The following CACNA2D3 variants were observed in gnomAD, a reference collection of about 807,000 sequenced individuals.
CACNA2D3 encodes voltage-dependent calcium channel subunit alpha-2/delta-3.
In CACNA2D3, 60 loss-of-function variants were observed where a neutral mutation model predicts 160.6. The ratio of observed to expected loss-of-function variants is 0.37; its 90% CI spans 0.30 to 0.46. The LOEUF (loss-of-function observed/expected upper bound fraction) is 0.46. CACNA2D3 is among the 20% of genes least tolerant of loss of function. The pLI is 1.00. For missense variants in CACNA2D3, 1,205 were observed against 1,365.0 expected (o/e 0.88, Z 1.85); for synonymous variants, 558 against 492.9 (o/e 1.13, Z -1.75).
chr3:54,524,239 A>G (rs565238189), intron 5 of CACNA2D3, among the ~76,000 whole-genome samples: 1 of 152,060 alleles, frequency 6.6e-6, no homozygotes, highest in South Asian at 2.1e-4. Flanking sequence ...GTTATTTGTC[A>G]TTTGATTTCT....
chr3:54,390,517 A>G (rs906666715), intron 4 of CACNA2D3, among the ~76,000 whole-genome samples: 3 of 152,250 alleles, frequency 2.0e-5, no homozygotes, highest in African/African-American at 7.2e-5. Flanking sequence ...TGGTCTGAAC[A>G]TAAGAGTAGA....
intron 25 of CACNA2D3, 84 bp downstream of exon 25, chr3:54,891,534 C>A: frequency 9.4e-7 from 1 of 1,068,268 alleles, no homozygotes; most frequent in Non-Finnish European, 1.4e-6. Context: ...TTTCTTGATT[C>A]CACTACTGGT....
rs1253784960 is a variant in CACNA2D3 at position 54,828,769 on chromosome 3, G to A, written c.1399-8390G>A. 5.9e-5 allele frequency among the ~76,000 whole-genome samples: 9 copies of A among 152,274 alleles called. No homozygotes were observed. The East Asian group carries it at 1.7e-3, about 29-fold the overall frequency. ...TCTGTTTACTTTTGTATTTAAACAA[G>A]TTAAAATGCAGTGAAATCTCATGGA... On this transcript the variant is annotated intron_variant, in intron 14 of 37. Transcript: ENST00000474759.
At chr3:54,146,990 G>A (rs1378343561) in intron 2 of CACNA2D3, among the ~76,000 whole-genome samples, 2 of 152,264 alleles carry the variant, frequency 1.3e-5, no homozygotes, top group African/African-American at 2.4e-5. Flanking sequence ...AGCAAAGAGG[G>A]AAAATTTCCC....
intron 29 of CACNA2D3, among the ~76,000 whole-genome samples, chr3:54,974,999 G>T (rs17054626): frequency 0.016 from 2,385 of 152,204 alleles, 56 homozygotes; most frequent in African/African-American, 0.054. Context: ...AAAGTGATAT[G>T]GAAAAAACAG....
chr3:54,880,988 T>C lies in CACNA2D3; in HGVS notation c.1912+125T>C. On this transcript the variant is annotated intron_variant, in intron 21 of 37. Coordinates refer to ENST00000474759, the MANE Select transcript of CACNA2D3 (RefSeq NM_018398.3). ...GTGACCAGTCCCTTGGACATTCCAC[T>C]CAAACGAATGCCTACTTGATAATTC... 4 of 768,990 alleles carry C rather than the reference T, an allele frequency of 5.2e-6. 1 individual carries two copies. The South Asian group carries it at 6.0e-5, about 12-fold the overall frequency. The allele number at this position is 768,990 out of a possible 1,614,324, so 47.6% of individuals were successfully genotyped here.
At chr3:54,689,391 A>C (rs1043289316) in intron 11 of CACNA2D3, among the ~76,000 whole-genome samples, 1 of 151,952 alleles carries the variant, frequency 6.6e-6, no homozygotes, top group African/African-American at 2.4e-5. Flanking sequence ...ATTTCTTTCA[A>C]TTCCATCTAC....
intron 2 of CACNA2D3, among the ~76,000 whole-genome samples, chr3:54,301,978 G>A (rs550819939): frequency 1.1e-4 from 17 of 152,232 alleles, no homozygotes; most frequent in African/African-American, 4.1e-4. Context: ...CTCTGAAATT[G>A]AACTACAAAA....
chr3:54,142,298 T>C (rs916959965), intron 2 of CACNA2D3, among the ~76,000 whole-genome samples: 2 of 152,212 alleles, frequency 1.3e-5, no homozygotes, highest in Admixed American at 6.5e-5. Context: ...CCCTTGCCAC[T>C]ATAGCAGCTT....
intron 32 of CACNA2D3, among the ~76,000 whole-genome samples, chr3:55,006,172 A>C (rs1703088893): frequency 1.3e-5 from 2 of 152,248 alleles, no homozygotes; most frequent in South Asian, 4.1e-4. Context: ...TTTCACCATT[A>C]GATTTAAAAG....
chr3:54,283,897 T>C (rs946858476), intron 2 of CACNA2D3, among the ~76,000 whole-genome samples: 1 of 152,104 alleles, frequency 6.6e-6, no homozygotes, highest in African/African-American at 2.4e-5. Context: ...ACCCCGTCTC[T>C]ACTAAAAATA....
intron 3 of CACNA2D3, among the ~76,000 whole-genome samples, chr3:54,356,449 C>T (rs1215950854): frequency 6.6e-6 from 1 of 152,116 alleles, no homozygotes; most frequent in Non-Finnish European, 1.5e-5. Context: ...TTTTTTGTAC[C>T]TAATGAATCT....
chr3:54,937,657 A>G (rs1701364007), intron 27 of CACNA2D3, among the ~76,000 whole-genome samples: 1 of 152,208 alleles, frequency 6.6e-6, no homozygotes, highest in African/African-American at 2.4e-5. Flanking sequence ...AGGTGAGGGC[A>G]GGCATCCCAA....
intron 35 of CACNA2D3, among the ~76,000 whole-genome samples, chr3:55,068,671 T>C (rs1653028571): frequency 6.6e-6 from 1 of 152,186 alleles, no homozygotes; most frequent in South Asian, 2.1e-4. Context: ...TTCATGACAG[T>C]AAATAGAGAT....
chr3:54,808,722 A>G lies in CACNA2D3; in HGVS notation c.1381-8131A>G, dbSNP rs568924022. ...CCTGTAAAATTGTAGTAATAACACTATTAGTAGAGATAGGAGTCACACTCT... is the reference window on the plus strand; with the variant it reads ...CCTGTAAAATTGTAGTAATAACACTGTTAGTAGAGATAGGAGTCACACTCT... On this transcript the variant is annotated intron_variant, in intron 13 of 37. Transcript: ENST00000474759. Among the ~76,000 whole-genome samples the G allele has an allele frequency of 5.9e-5, 9 of 152,292 alleles. No individual in the cohort carries two copies. In the East Asian group the frequency reaches 7.7e-4, roughly 13 times the overall value.
chr3:54,616,581 G>A (rs988607856), intron 9 of CACNA2D3, among the ~76,000 whole-genome samples: 1 of 152,170 alleles, frequency 6.6e-6, no homozygotes, highest in Non-Finnish European at 1.5e-5. Context: ...GTATCAGTGG[G>A]TGAGAATCAT....
At chr3:54,807,390 C>T (rs1236759501) in intron 13 of CACNA2D3, among the ~76,000 whole-genome samples, 10 of 152,104 alleles carry the variant, frequency 6.6e-5, no homozygotes, top group South Asian at 4.2e-4. Flanking sequence ...AAAAAGTGGG[C>T]GAAGGACATG....
chr3:54,629,352 T>G (rs1699185021), intron 10 of CACNA2D3, among the ~76,000 whole-genome samples: 1 of 152,184 alleles, frequency 6.6e-6, no homozygotes, highest in South Asian at 2.1e-4. Context: ...GACTTTTTAC[T>G]ACTCAGCTAT....
intron 4 of CACNA2D3, among the ~76,000 whole-genome samples, chr3:54,492,290 C>G (rs1458801593): frequency 2.0e-5 from 3 of 152,070 alleles, no homozygotes; most frequent in Non-Finnish European, 4.4e-5. Flanking sequence ...AAGCCAGGAC[C>G]CTTGTTCTTT....
Sources: allele counts gnomAD v4.1 joint callset (sites outside exome capture counted in the v4.1 genomes callset), GRCh38; gene constraint gnomAD v4.1.1; transcripts MANE v1.5; gene names NCBI Gene and HGNC (gene_info 2026-07-23, HGNC 2026-07-21).